The following ZNF331 variants were observed in gnomAD, a reference collection of about 807,000 sequenced individuals.
ZNF331 encodes C2H2-like zinc finger protein rearranged in thyroid adenomas.
Under a neutral mutation model 7.0 loss-of-function variants are expected in ZNF331, and 2 were observed. The observed-to-expected ratio is 0.29, with a 90% CI of 0.12 to 0.90. The LOEUF (loss-of-function observed/expected upper bound fraction) is 0.90, where lower values mean the gene tolerates loss of function less well. Ranked by LOEUF, ZNF331 falls within the 40% of genes least tolerant of loss-of-function variation. The probability of loss-of-function intolerance (pLI) is 0.58; values close to 1 mark genes in which losing one functional copy is unlikely to be tolerated. For missense variants in ZNF331, 432 were observed against 587.7 expected, an observed-to-expected ratio of 0.74 and a Z score of 2.74; for synonymous variants, 196 against 205.4, an observed-to-expected ratio of 0.95 and a Z score of 0.39.
chr19:53,552,776 A>G (rs982255657), intron 2 of ZNF331, among the ~76,000 whole-genome samples: 1 of 152,150 alleles, frequency 6.6e-6, no homozygotes, highest in African/African-American at 2.4e-5. Flanking sequence ...TTAAAACTGG[A>G]TTCAGGATCA....
intron 2 of ZNF331, chr19:53,554,559 G>A (rs1423044467): frequency 2.0e-5 from 3 of 152,256 alleles, no homozygotes; most frequent in Non-Finnish European, 4.4e-5. Flanking sequence ...GTGGGAGTGC[G>A]AGGCTGACGC....
At chr19:53,504,062 C>T in the ZNF331 span, 1 of 417,142 alleles carries the variant, frequency 2.4e-6, no homozygotes, top group South Asian at 1.9e-5. Flanking sequence ...CCCACATCCT[C>T]CCCTGAGTCC....
chr19:53,545,924 G>A (rs1287876188), intron 2 of ZNF331, among the ~76,000 whole-genome samples: 7 of 152,062 alleles, frequency 4.6e-5, no homozygotes, highest in African/African-American at 1.2e-4. Flanking sequence ...GGAGCATCAC[G>A]TGTTCTAGAA....
chr19:53,551,167 C>T (rs534881898), intron 2 of ZNF331, among the ~76,000 whole-genome samples: 3 of 152,234 alleles, frequency 2.0e-5, no homozygotes, highest in Non-Finnish European at 2.9e-5. Context: ...TTAACTTTCA[C>T]TCCTTATAAC....
Position 53,564,459 on chromosome 19 carries a change from T to C in ZNF331, c.-73-4845T>C, listed in dbSNP as rs543663487. 8.5e-4 allele frequency among the ~76,000 whole-genome samples: 129 copies of C among 152,140 alleles called. 1 individual carries two copies. The South Asian group carries it at 0.026, about 31-fold the overall frequency. ...CATGCCCGGCTAATTTTTGTGTTTTTAGTAGAGACAGGGTTTTGCTATGTT... is the reference window on the plus strand; with the variant it reads ...CATGCCCGGCTAATTTTTGTGTTTTCAGTAGAGACAGGGTTTTGCTATGTT... On this transcript the variant is annotated intron_variant, in intron 3 of 5. Transcript: ENST00000449416.
At chr19:53,563,982 G>A (rs1405838167) in intron 3 of ZNF331, among the ~76,000 whole-genome samples, 3 of 133,896 alleles carry the variant, frequency 2.2e-5, no homozygotes, top group Non-Finnish European at 4.6e-5. Context: ...GCAGTGACCC[G>A]AGATCACACC....
At chr19:53,533,711 A>G (rs558244830), upstream of ZNF331, among the ~76,000 whole-genome samples, 2 of 152,322 alleles carry the variant, frequency 1.3e-5, no homozygotes, top group African/African-American at 4.8e-5. Context: ...CATCTTCTTC[A>G]TGAATTGATC....
At chr19:53,556,955 G>A (rs560612406) in intron 3 of ZNF331, among the ~76,000 whole-genome samples, 2 of 146,776 alleles carry the variant, frequency 1.4e-5, no homozygotes, top group South Asian at 2.2e-4. Flanking sequence ...ACAGGTGTGA[G>A]CCACCACACC....
rs148784378 is a variant in ZNF331 at position 53,577,504 on chromosome 19, C to T, written c.944C>T (p.Thr315Ile). The change falls in exon 6 of 6, where the codon ACT (threonine) becomes ATT (isoleucine). Residue 315 changes from threonine (T) to isoleucine (I), a missense_variant. By Grantham distance (89) the Thr-to-Ile change is moderately conservative. Coordinates refer to ENST00000449416, the MANE Select transcript of ZNF331 (RefSeq NM_001079906.2). ...GKAFTRVNYL[T>I]QHQKIHTGEK... is the part of the protein sequence containing the mutation. ...GCCTTTACTCGAGTCAATTACCTTA[C>T]TCAGCATCAGAAGATCCACACCGGT... 1.2e-5 allele frequency: 20 copies of T among 1,612,652 alleles called. No individual in the cohort carries two copies. Among genetic ancestry groups the T allele is most frequent in the African/African-American group, 5.3e-5 (4 of 74,772 alleles).
chr19:53,577,670 C>T lies in ZNF331; in HGVS notation c.1110C>T (p.Leu370=). The T allele has an allele frequency of 6.2e-7, 1 of 1,613,778 alleles. No homozygotes were observed. Among genetic ancestry groups the T allele is most frequent in the Non-Finnish European group, 8.5e-7 (1 of 1,179,968 alleles). The change falls in exon 6 of 6, where the codon CTC becomes CTT. Residue 370 remains leucine, a synonymous_variant. Coordinates refer to ENST00000449416, the MANE Select transcript of ZNF331 (RefSeq NM_001079906.2). ...AGGCCTTCAATTGTGGCTATCACCTCACTCAGCACGAGAGAATCCACACAG... is the reference window on the plus strand; with the variant it reads ...AGGCCTTCAATTGTGGCTATCACCTTACTCAGCACGAGAGAATCCACACAG... ...CGKAFNCGYH[L]TQHERIHTGE...
chr19:53,537,761 T>A (rs904953470), upstream of ZNF331: 4 of 152,270 alleles, frequency 2.6e-5, no homozygotes, highest in Non-Finnish European at 5.9e-5. Context: ...ACCGGGTGCG[T>A]CTGCGGCTTT....
chr19:53,520,951 G>C (rs1342065409), upstream of ZNF331: 3 of 152,274 alleles, frequency 2.0e-5, no homozygotes, highest in African/African-American at 7.2e-5. Flanking sequence ...TGCATGCTGG[G>C]AAACACTGAC....
intron 2 of ZNF331, among the ~76,000 whole-genome samples, chr19:53,551,161 C>T (rs1386185880): frequency 6.6e-6 from 1 of 152,114 alleles, no homozygotes; most frequent in Non-Finnish European, 1.5e-5. Context: ...ACTCCCTTAA[C>T]TTTCACTCCT....
intron 2 of ZNF331, among the ~76,000 whole-genome samples, chr19:53,549,087 G>A (rs1194034499): frequency 6.6e-6 from 1 of 152,074 alleles, no homozygotes; most frequent in African/African-American, 2.4e-5. Context: ...GACCTCAGGT[G>A]AGCCACCGCA....
intron 2 of ZNF331, among the ~76,000 whole-genome samples, chr19:53,550,117 T>C (rs376763646): frequency 3.3e-5 from 5 of 152,242 alleles, no homozygotes; most frequent in African/African-American, 1.2e-4. Flanking sequence ...ATGTCAGTCA[T>C]TGTAAATTTC....
chr19:53,555,438 C>T (rs2089328062), intron 2 of ZNF331: 3 of 152,638 alleles, frequency 2.0e-5, no homozygotes, highest in African/African-American at 7.2e-5. Context: ...ACAGCACAAC[C>T]TGTAGCTCCA....
At chr19:53,551,005 T>C (rs2088970613) in intron 2 of ZNF331, among the ~76,000 whole-genome samples, 1 of 151,272 alleles carries the variant, frequency 6.6e-6, no homozygotes, top group Non-Finnish European at 1.5e-5. Context: ...CTAATTATTG[T>C]ATTTTTTAGT....
Position 53,577,163 on chromosome 19 carries a change from C to T in ZNF331, c.603C>T (p.Ser201=), listed in dbSNP as rs751569262. ...DCGKAFRWGS[S]LVIHKRIHTG... The stretch of plus-strand genomic sequence containing the variant: ...GGAAGGCTTTTCGATGGGGCTCAAG[C>T]CTCGTTATTCATAAGAGGATTCATA... Residue 201 remains serine, a synonymous_variant, in exon 6 of 6, where the codon AGC becomes AGT. Coordinates refer to ENST00000449416, the MANE Select transcript of ZNF331 (RefSeq NM_001079906.2). The T allele has an allele frequency of 3.7e-6, 6 of 1,613,732 alleles. No homozygotes were observed. The highest frequency in any genetic ancestry group is 1.3e-5 in the African/African-American group (1 of 74,802).
intron 2 of ZNF331, among the ~76,000 whole-genome samples, chr19:53,525,106 T>A (rs2087242691): frequency 6.6e-6 from 1 of 152,312 alleles, no homozygotes; most frequent in Non-Finnish European, 1.5e-5. Context: ...AGGCCTCTGT[T>A]CTGTTCCATT....
Sources: allele counts gnomAD v4.1 joint callset (sites outside exome capture counted in the v4.1 genomes callset), GRCh38; gene constraint gnomAD v4.1.1; transcripts MANE v1.5; gene names NCBI Gene and HGNC (gene_info 2026-07-23, HGNC 2026-07-21).